The following SLC35F4 variants were observed in gnomAD, a reference collection of about 807,000 sequenced individuals.
SLC35F4 encodes the protein chromosome 14 open reading frame 36.
SLC35F4 carries 24 observed loss-of-function variants against 44.2 expected under a neutral mutation model. The observed-to-expected ratio is 0.54, with a 90% CI of 0.39 to 0.76. The LOEUF (loss-of-function observed/expected upper bound fraction) is 0.76, where lower values mean the gene tolerates loss of function less well. SLC35F4 is among the 30% of genes least tolerant of loss of function. SLC35F4 has a pLI of 0.00. For synonymous variants in SLC35F4, 238 were observed against 223.6 expected, an observed-to-expected ratio of 1.06 and a Z score of -0.57; for missense variants, 562 against 586.1, an observed-to-expected ratio of 0.96 and a Z score of 0.42.
chr14:57,805,263 T>G, intron 1 of SLC35F4, among the ~76,000 whole-genome samples: 1 of 152,170 alleles, frequency 6.6e-6, no homozygotes, highest in East Asian at 1.9e-4. Flanking sequence ...AGCAATCCCA[T>G]TACTGGGTAT....
At chr14:57,788,175 C>T (rs191367931) in intron 1 of SLC35F4, among the ~76,000 whole-genome samples, 24 of 152,262 alleles carry the variant, frequency 1.6e-4, no homozygotes, top group Admixed American at 3.3e-4. Context: ...CAAGGAGGGA[C>T]ATTATATAAT....
intron 1 of SLC35F4, among the ~76,000 whole-genome samples, chr14:57,733,315 G>C (rs528300754): frequency 2.4e-4 from 35 of 147,916 alleles, no homozygotes; most frequent in African/African-American, 7.5e-4. Flanking sequence ...TCTAAGAATG[G>C]ATTTTTAAAG....
At chr14:57,812,417 T>A (rs1439227710) in intron 1 of SLC35F4, among the ~76,000 whole-genome samples, 5 of 152,188 alleles carry the variant, frequency 3.3e-5, no homozygotes, top group Non-Finnish European at 7.4e-5. Flanking sequence ...TTCTGGCCTT[T>A]GACTAAGTCC....
chr14:57,909,719 A>C (rs74516765), intron 1 of SLC35F4, among the ~76,000 whole-genome samples: 1 of 152,076 alleles, frequency 6.6e-6, no homozygotes, highest in African/African-American at 2.4e-5. Flanking sequence ...CTCTTTGCCT[A>C]CTGAGGGATA....
At chr14:57,860,260 A>G (rs1441763888) in intron 1 of SLC35F4, among the ~76,000 whole-genome samples, 1 of 152,184 alleles carries the variant, frequency 6.6e-6, no homozygotes, top group Non-Finnish European at 1.5e-5. Context: ...GCAGCTTCCA[A>G]TAGACAACCA....
intron 1 of SLC35F4, among the ~76,000 whole-genome samples, chr14:57,980,109 C>A (rs536471932): frequency 6.6e-6 from 1 of 152,170 alleles, no homozygotes; most frequent in Non-Finnish European, 1.5e-5. Context: ...AGAGTCTAGG[C>A]TGAAACAAAT....
chr14:57,611,132 A>G (rs1239049956), intron 1 of SLC35F4, among the ~76,000 whole-genome samples: 1 of 152,232 alleles, frequency 6.6e-6, no homozygotes, highest in Non-Finnish European at 1.5e-5. Flanking sequence ...CTGCACATGC[A>G]AAGACCCTGT....
At chr14:57,814,260 T>G (rs1164514965) in intron 1 of SLC35F4, among the ~76,000 whole-genome samples, 1 of 152,198 alleles carries the variant, frequency 6.6e-6, no homozygotes, top group African/African-American at 2.4e-5. Context: ...TTAATAAAGA[T>G]TTACTACCTA....
intron 1 of SLC35F4, among the ~76,000 whole-genome samples, chr14:57,981,034 G>A (rs7155706): frequency 0.49 from 75,044 of 152,008 alleles, 19,347 homozygotes; most frequent in African/African-American, 0.67. Context: ...TGGAGAAGAA[G>A]GATTCGCCTC....
intron 1 of SLC35F4, among the ~76,000 whole-genome samples, chr14:57,718,884 T>C (rs2076009871): frequency 6.6e-6 from 1 of 152,132 alleles, no homozygotes; most frequent in Admixed American, 6.5e-5. Flanking sequence ...GGTTGACTGC[T>C]CTTGTGGGGT....
chr14:57,589,456 G>C lies in SLC35F4; in HGVS notation c.347C>G (p.Ala116Gly). 6.2e-7 allele frequency: 1 copy of C among 1,613,796 alleles called. No individual in the cohort carries two copies. The highest frequency in any genetic ancestry group is 8.5e-7 in the Non-Finnish European group (1 of 1,179,844). ...CATGGACGTGCAGGACAGGCAGCGAGCCTTGATTCTGTTTTCTTGGCTGCT... is the reference window on the plus strand; with the variant it reads ...CATGGACGTGCAGGACAGGCAGCGACCCTTGATTCTGTTTTCTTGGCTGCT... ...ENSSQENRIK[A>G]RCLSCTSMVL... Residue 116 changes from alanine to glycine, a missense_variant, in exon 3 of 8, where the codon GCT (alanine) becomes GGT (glycine). Coordinates refer to ENST00000556826, the MANE Select transcript of SLC35F4 (RefSeq NM_001306087.2).
intron 1 of SLC35F4, among the ~76,000 whole-genome samples, chr14:57,848,178 T>C (rs1370511738): frequency 2.0e-5 from 3 of 152,176 alleles, no homozygotes; most frequent in Non-Finnish European, 4.4e-5. Context: ...CTGCTATAAA[T>C]AAGGCTAAAA....
intron 1 of SLC35F4, among the ~76,000 whole-genome samples, chr14:57,754,032 A>G (rs550324741): frequency 6.6e-6 from 1 of 151,952 alleles, no homozygotes; most frequent in African/African-American, 2.4e-5. Flanking sequence ...TACCAGGACA[A>G]TAGGAAAAGC....
chr14:57,944,695 A>AAAGAAAGAAAGAAAG (rs1201207131), intron 1 of SLC35F4, among the ~76,000 whole-genome samples: 5 of 115,998 alleles, frequency 4.3e-5, no homozygotes, highest in Admixed American at 8.8e-5. Context: ...AGAAAGAAAG[A>AAAGAAAGAAAGAAAG]AAAGAAAGAA....
intron 1 of SLC35F4, among the ~76,000 whole-genome samples, chr14:57,953,381 G>T (rs377669650): frequency 3.3e-5 from 5 of 152,200 alleles, no homozygotes; most frequent in African/African-American, 9.6e-5. Flanking sequence ...CAACTAATGG[G>T]CAAAATAACC....
chr14:57,880,008 GGGAAA>G (rs147114000), intron 1 of SLC35F4, among the ~76,000 whole-genome samples: 3,941 of 136,018 alleles, frequency 0.029, 139 homozygotes, highest in African/African-American at 0.069. Context: ...GGAAAGAGAA[GGGAAA>G]GGAAAGGAAA....
intron 1 of SLC35F4, among the ~76,000 whole-genome samples, chr14:57,659,619 CAG>C (rs1333662086): frequency 6.6e-6 from 1 of 152,092 alleles, no homozygotes; most frequent in Admixed American, 6.6e-5. Flanking sequence ...TGGTAAATAA[CAG>C]AGTTAGGATT....
At chr14:57,741,665 A>G (rs1352166566) in intron 1 of SLC35F4, among the ~76,000 whole-genome samples, 1 of 152,242 alleles carries the variant, frequency 6.6e-6, no homozygotes, top group East Asian at 1.9e-4. Context: ...AACACTCAGC[A>G]GGATATTATC....
chr14:57,746,260 T>C lies in SLC35F4; in HGVS notation c.103+119463A>G, dbSNP rs143741032. Among the ~76,000 whole-genome samples, 113 of 152,162 alleles carry C rather than the reference T, an allele frequency of 7.4e-4. 1 individual carries two copies. The highest frequency in any genetic ancestry group is 2.5e-3 in the African/African-American group (105 of 41,548). ...AAAAAAAAAAGAAAGTACTCAATGA[T>C]TCACCATTGTTTATGATGTTAACTG... On this transcript the variant is annotated intron_variant, in intron 1 of 7. Transcript: ENST00000556826.
Sources: gnomAD v4.1 joint callset for allele counts (sites outside exome capture counted in the v4.1 genomes callset) on GRCh38, gnomAD v4.1.1 for gene constraint, MANE v1.5 for transcripts, NCBI Gene and HGNC (gene_info 2026-07-23, HGNC 2026-07-21) for gene names.